LSAMP: variants seen among roughly 807,000 people sequenced by gnomAD.
LSAMP encodes limbic system associated membrane protein, also known as limbic system-associated membrane protein.
LSAMP carries 7 observed loss-of-function variants against 38.6 expected under a neutral mutation model. That is an observed-to-expected ratio of 0.18 (90% CI 0.10 to 0.34). The LOEUF (loss-of-function observed/expected upper bound fraction) is 0.34. Ranked by LOEUF, LSAMP falls within the 10% of genes least tolerant of loss-of-function variation. The probability of loss-of-function intolerance (pLI) is 1.00; values close to 1 mark genes in which losing one functional copy is unlikely to be tolerated. For missense variants in LSAMP, 313 were observed against 420.0 expected (o/e 0.75, Z 2.23); for synonymous variants, 154 against 166.8 (o/e 0.92, Z 0.59).
At position 115,974,323 on chromosome 3, in the gene LSAMP, G is replaced by A. The variant is rs149302841; in HGVS notation, c.514+45192C>T. On this transcript the variant is annotated intron_variant, in intron 3 of 6. Transcript: ENST00000490035. The stretch of plus-strand genomic sequence containing the variant: ...CGCACCACTGCACTCCAGCCTAGGC[G>A]ACAGAGCTACACTTCATCTCAAAAA... Among the ~76,000 whole-genome samples, 1,146 of 151,984 alleles carry A rather than the reference G, an allele frequency of 7.5e-3. 5 individuals are homozygous for A. Among genetic ancestry groups the A allele is most frequent in the South Asian group, 0.01 (50 of 4,804 alleles).
intron 2 of LSAMP, among the ~76,000 whole-genome samples, chr3:116,038,256 C>T (rs539995464): frequency 3.7e-4 from 56 of 152,022 alleles, no homozygotes; most frequent in African/African-American, 1.2e-3. Context: ...TAAAATAATG[C>T]GTGTGAAATA....
rs550280927 is a variant in LSAMP at position 116,013,082 on chromosome 3, A to G, written c.514+6433T>C. Among the ~76,000 whole-genome samples, 18 of 152,302 alleles carry G rather than the reference A, an allele frequency of 1.2e-4. 2 individuals carry two copies. In the South Asian group the frequency reaches 1.9e-3, roughly 16 times the overall value. On this transcript the variant is annotated intron_variant, in intron 3 of 6. Coordinates refer to ENST00000490035, the MANE Select transcript of LSAMP (RefSeq NM_002338.5). ...CCATGTCTTGGAGCATTGATGTCCA[A>G]ACTAGTTCCCCAAGAACACATCTAG...
At chr3:116,080,787 A>T (rs1485527243) in intron 2 of LSAMP, among the ~76,000 whole-genome samples, 2 of 151,498 alleles carry the variant, frequency 1.3e-5, no homozygotes, top group African/African-American at 4.9e-5. Context: ...CCAGTTAATC[A>T]CTAAGATTCT....
intron 1 of LSAMP, among the ~76,000 whole-genome samples, chr3:116,263,286 C>T (rs1224659493): frequency 6.6e-6 from 1 of 152,034 alleles, no homozygotes; most frequent in African/African-American, 2.4e-5. Context: ...GCCTGTAATC[C>T]CAGCACTTTG....
intron 6 of LSAMP, among the ~76,000 whole-genome samples, chr3:115,817,853 T>C (rs1392423622): frequency 6.6e-6 from 1 of 152,228 alleles, no homozygotes; most frequent in African/African-American, 2.4e-5. Context: ...GTTGACGACT[T>C]TCTGTATATG....
intron 1 of LSAMP, among the ~76,000 whole-genome samples, chr3:116,164,601 A>AATATAT (rs36047780): frequency 6.5e-5 from 7 of 107,298 alleles, no homozygotes; most frequent in African/African-American, 2.0e-4. Context: ...ATATAATCCA[A>AATATAT]ATATATATAT....
At chr3:116,141,412 A>G (rs1702778084) in intron 1 of LSAMP, among the ~76,000 whole-genome samples, 2 of 104,168 alleles carry the variant, frequency 1.9e-5, no homozygotes, top group East Asian at 4.5e-4. Flanking sequence ...ATGTAATTAT[A>G]CCTAGAAAAA....
intron 2 of LSAMP, among the ~76,000 whole-genome samples, chr3:116,062,457 G>T (rs1024579241): frequency 6.6e-6 from 1 of 152,102 alleles, no homozygotes; most frequent in South Asian, 2.1e-4. Context: ...CGGAGGTTGC[G>T]GTGAGCCGGG....
chr3:116,445,111 G>T lies in LSAMP; in HGVS notation c.-80C>A. The T allele has an allele frequency of 7.0e-7, 1 of 1,430,250 alleles. No individual in the cohort carries two copies. Among genetic ancestry groups the T allele is most frequent in the Non-Finnish European group, 9.5e-7 (1 of 1,051,884 alleles). The allele number at this position is 1,430,250 out of a possible 1,614,324, so 88.6% of individuals were successfully genotyped here. A position where few individuals can be genotyped will look rare whatever the true frequency, so the allele number is the denominator to read the frequency against. ...TCGCGAGGAGAGGCTTCACCAACACGGGGCTTTCATCCACAGCGAGCGCAG... is the reference window on the plus strand; with the variant it reads ...TCGCGAGGAGAGGCTTCACCAACACTGGGCTTTCATCCACAGCGAGCGCAG... On this transcript the variant is annotated 5_prime_UTR_variant, in exon 1 of 7. Coordinates refer to ENST00000490035, the MANE Select transcript of LSAMP (RefSeq NM_002338.5).
intron 1 of LSAMP, among the ~76,000 whole-genome samples, chr3:116,303,366 A>G (rs1397108779): frequency 6.6e-6 from 1 of 152,222 alleles, no homozygotes; most frequent in East Asian, 1.9e-4. Flanking sequence ...GTAGACTTTA[A>G]AAGGACTGGC....
At chr3:115,979,156 A>C (rs1271872408) in intron 3 of LSAMP, among the ~76,000 whole-genome samples, 1 of 152,066 alleles carries the variant, frequency 6.6e-6, no homozygotes, top group African/African-American at 2.4e-5. Flanking sequence ...GAGTGCACAG[A>C]TAGAGAGACT....
intron 2 of LSAMP, among the ~76,000 whole-genome samples, chr3:116,038,594 A>G (rs943107680): frequency 6.6e-5 from 10 of 152,140 alleles, no homozygotes; most frequent in African/African-American, 2.4e-4. Context: ...TTGCTCTCAG[A>G]TGAGAGCTCT....
chr3:116,280,513 C>A (rs2047114548), intron 1 of LSAMP, among the ~76,000 whole-genome samples: 1 of 152,256 alleles, frequency 6.6e-6, no homozygotes, highest in Non-Finnish European at 1.5e-5. Context: ...ATTCAATCAA[C>A]TGAAAACAGA....
chr3:115,814,518 T>A (rs1305774300), intron 6 of LSAMP, among the ~76,000 whole-genome samples: 2 of 152,240 alleles, frequency 1.3e-5, no homozygotes, highest in African/African-American at 2.4e-5. Context: ...AACACCTGTT[T>A]TAGCGTATGC....
In LSAMP at chr3:116,034,440, T is replaced by C. The variant is rs576990518; in HGVS notation, c.389-14800A>G. On this transcript the variant is annotated intron_variant, in intron 2 of 6. Coordinates refer to ENST00000490035, the MANE Select transcript of LSAMP (RefSeq NM_002338.5). ...TCTGCCTTTGGCAAGTCACTTAACC[T>C]CATCTGGAATATAACTTGGCCCCCA... Among the ~76,000 whole-genome samples, 4 of 152,140 alleles carry C rather than the reference T, an allele frequency of 2.6e-5. No individual in the cohort carries two copies. The South Asian group carries it at 8.3e-4, about 32-fold the overall frequency.
At chr3:116,115,979 G>A (rs943638261) in intron 1 of LSAMP, among the ~76,000 whole-genome samples, 2 of 151,208 alleles carry the variant, frequency 1.3e-5, no homozygotes, top group Non-Finnish European at 2.9e-5. Context: ...TTCAGTTCAG[G>A]AAAGTTTTAT....
intron 2 of LSAMP, among the ~76,000 whole-genome samples, chr3:116,031,314 C>T (rs1361348191): frequency 6.6e-6 from 1 of 151,954 alleles, no homozygotes; most frequent in Non-Finnish European, 1.5e-5. Context: ...AAAACAATAA[C>T]AATTATGACT....
intron 1 of LSAMP, among the ~76,000 whole-genome samples, chr3:116,117,870 T>A (rs143096489): frequency 1.3e-5 from 2 of 152,330 alleles, no homozygotes; most frequent in African/African-American, 4.8e-5. Context: ...CCTGAGGTAG[T>A]GTTTGTCAGT....
intron 4 of LSAMP, among the ~76,000 whole-genome samples, chr3:115,844,880 G>A (rs535695382): frequency 1.4e-4 from 22 of 152,204 alleles, no homozygotes; most frequent in Non-Finnish European, 1.6e-4. Context: ...GGGAACCTGC[G>A]GCACAAGAAT....
Sources: allele counts gnomAD v4.1 joint callset (sites outside exome capture counted in the v4.1 genomes callset), GRCh38; gene constraint gnomAD v4.1.1; transcripts MANE v1.5; gene names NCBI Gene and HGNC (gene_info 2026-07-23, HGNC 2026-07-21).